Variants in PLEK observed in about 807,000 individuals in gnomAD.
The protein encoded by PLEK is pleckstrin, also known as platelet 47 kDa protein.
PLEK carries 25 observed loss-of-function variants against 43.9 expected under a neutral mutation model. That is an observed-to-expected ratio of 0.57 (90% CI 0.41 to 0.79). The LOEUF is 0.79. Ranked by LOEUF, PLEK falls within the 30% of genes least tolerant of loss-of-function variation. PLEK has a pLI of 0.00. For missense variants in PLEK, 396 were observed against 413.3 expected (o/e 0.96, Z 0.36); for synonymous variants, 152 against 144.4 (o/e 1.05, Z -0.38).
intron 7 of PLEK, among the ~76,000 whole-genome samples, 194 bp downstream of exon 7, chr2:68,393,439 G>A (rs996354767): frequency 9.2e-5 from 14 of 151,940 alleles, no homozygotes; most frequent in Non-Finnish European, 2.1e-4. Flanking sequence ...GGCCTCTGAG[G>A]TCAGTATAAG....
intron 6 of PLEK, among the ~76,000 whole-genome samples, chr2:68,392,163 C>A (rs1673872688): frequency 6.6e-6 from 1 of 150,710 alleles, no homozygotes; most frequent in African/African-American, 2.5e-5. Flanking sequence ...TCCCCCTTTT[C>A]TCCTCCTCCT....
At chr2:68,366,354 T>A (rs1315640235) in intron 1 of PLEK, among the ~76,000 whole-genome samples, 1 of 152,230 alleles carries the variant, frequency 6.6e-6, no homozygotes, top group Admixed American at 6.5e-5. Flanking sequence ...ATAGCACACA[T>A]TGCTGCCTGC....
intron 8 of PLEK, among the ~76,000 whole-genome samples, chr2:68,395,292 G>A (rs1673943433): frequency 6.6e-6 from 1 of 151,328 alleles, no homozygotes; most frequent in Non-Finnish European, 1.5e-5. Flanking sequence ...GATATCAGGA[G>A]CAACCCTTGA....
chr2:68,382,743 C>G (rs1203637227), intron 4 of PLEK, 110 bp downstream of exon 4: 14 of 634,390 alleles, frequency 2.2e-5, no homozygotes, highest in Non-Finnish European at 3.2e-5. Context: ...GGAAGGGGTC[C>G]CAGAATGCAG....
chr2:68,372,755 T>TA (rs933457015), intron 1 of PLEK, among the ~76,000 whole-genome samples: 1 of 152,012 alleles, frequency 6.6e-6, no homozygotes, highest in Admixed American at 6.6e-5. Context: ...TGTGTGTGTA[T>TA]ATATATCTCC....
intron 4 of PLEK, 78 bp downstream of exon 4, chr2:68,382,711 G>T (rs1558498972): frequency 1.2e-6 from 1 of 818,526 alleles, no homozygotes; most frequent in South Asian, 1.4e-5. Flanking sequence ...TCTGTGAGGT[G>T]GGGGTATGAA....
chr2:68,388,762 T>C (rs953297217), intron 6 of PLEK, among the ~76,000 whole-genome samples: 16 of 151,408 alleles, frequency 1.1e-4, no homozygotes, highest in Non-Finnish European at 2.2e-4. Flanking sequence ...AAGAAAAATA[T>C]GGCCGGAGGA....
intron 8 of PLEK, among the ~76,000 whole-genome samples, 160 bp from the exon 9 acceptor site, chr2:68,395,520 A>G (rs1398428960): frequency 6.6e-6 from 1 of 152,108 alleles, no homozygotes; most frequent in African/African-American, 2.4e-5. Context: ...CTGTGCAATG[A>G]ATTATCCTAT....
At chr2:68,385,611 C>A (rs1673723784) in intron 4 of PLEK, among the ~76,000 whole-genome samples, 2 of 152,246 alleles carry the variant, frequency 1.3e-5, no homozygotes, top group Non-Finnish European at 2.9e-5. Flanking sequence ...TCCTCCCCTG[C>A]CCCATGGGGC....
At chr2:68,381,979 C>T (rs1045101403) in intron 3 of PLEK, among the ~76,000 whole-genome samples, 8 of 152,132 alleles carry the variant, frequency 5.3e-5, no homozygotes, top group Admixed American at 6.5e-5. Context: ...GAGCTTCTCT[C>T]GTAAGGCTAT....
At chr2:68,389,334 G>A (rs1673815128) in intron 6 of PLEK, among the ~76,000 whole-genome samples, 1 of 152,248 alleles carries the variant, frequency 6.6e-6, no homozygotes, top group Non-Finnish European at 1.5e-5. Context: ...TGGCTGCACT[G>A]TGAGCTGCCT....
chr2:68,365,366 G>A lies in PLEK; in HGVS notation c.15G>A (p.Arg5=). The change falls in exon 1 of 9, where the codon CGG becomes CGA. Residue 5 remains arginine (R), a synonymous_variant. Coordinates refer to ENST00000234313, the MANE Select transcript of PLEK (RefSeq NM_002664.3). ...GTCCAGCCAGCATGGAACCAAAGCG[G>A]ATCAGAGAGGGCTACCTTGTGAAGA... The part of the protein sequence containing the change: MEPK[R]IREGYLVKKG... 2 of 1,613,918 alleles carry A rather than the reference G, an allele frequency of 1.2e-6. No individual in the cohort carries two copies. The highest frequency in any genetic ancestry group is 1.7e-6 in the Non-Finnish European group (2 of 1,179,808).
Position 68,390,625 on chromosome 2 carries a change from C to A in PLEK, c.762+2134C>A, listed in dbSNP as rs556659850. ...AGTGGTTAGTAACCATAGTTTACAT[C>A]AAAATCACCCAAGGGATTTTCAGAA... On this transcript the variant is annotated intron_variant, in intron 6 of 8. Transcript: ENST00000234313. 1.4e-4 allele frequency among the ~76,000 whole-genome samples: 21 copies of A among 152,264 alleles called. 1 individual carries two copies. The highest frequency in any genetic ancestry group is 4.6e-4 in the African/African-American group (19 of 41,546).
chr2:68,384,056 C>A (rs1270433354), intron 4 of PLEK, among the ~76,000 whole-genome samples: 1 of 152,154 alleles, frequency 6.6e-6, no homozygotes, highest in Non-Finnish European at 1.5e-5. Flanking sequence ...AACAGGAGGG[C>A]ATTTCAATGT....
intron 4 of PLEK, among the ~76,000 whole-genome samples, chr2:68,383,715 G>A (rs1408432341): frequency 6.6e-6 from 1 of 152,144 alleles, no homozygotes; most frequent in Non-Finnish European, 1.5e-5. Context: ...GCTTTCTTAT[G>A]GTGACAGGAG....
intron 1 of PLEK, among the ~76,000 whole-genome samples, chr2:68,365,745 A>T (rs530743846): frequency 1.3e-5 from 2 of 152,208 alleles, no homozygotes; most frequent in South Asian, 4.2e-4. Context: ...GGTTTCTTGG[A>T]GGGACTATTC....
intron 1 of PLEK, among the ~76,000 whole-genome samples, chr2:68,371,216 G>T (rs990381066): frequency 1.3e-5 from 2 of 152,118 alleles, no homozygotes; most frequent in African/African-American, 4.8e-5. Flanking sequence ...TCTTGTTAGG[G>T]AACTCACTAA....
At chr2:68,368,941 A>T (rs895163590) in intron 1 of PLEK, among the ~76,000 whole-genome samples, 13 of 152,224 alleles carry the variant, frequency 8.5e-5, no homozygotes, top group African/African-American at 3.1e-4. Flanking sequence ...AAGGGCAAGC[A>T]GCAGGGACAG....
chr2:68,381,578 T>C (rs1312774673), intron 3 of PLEK, among the ~76,000 whole-genome samples: 2 of 152,218 alleles, frequency 1.3e-5, no homozygotes, highest in African/African-American at 4.8e-5. Context: ...GAGCATTCCC[T>C]GAAGCAGGAG....
Sources: gnomAD v4.1 joint callset for allele counts (sites outside exome capture counted in the v4.1 genomes callset) on GRCh38, gnomAD v4.1.1 for gene constraint, MANE v1.5 for transcripts, NCBI Gene and HGNC (gene_info 2026-07-23, HGNC 2026-07-21) for gene names.